The following GCH1 variants were observed in gnomAD, a reference collection of about 807,000 sequenced individuals.
GCH1 encodes GTP cyclohydrolase 1.
In GCH1, 5 loss-of-function variants were observed where a neutral mutation model predicts 25.9. The observed-to-expected ratio is 0.19, with a 90% confidence interval of 0.10 to 0.41. The LOEUF is 0.41. Ranked by LOEUF, GCH1 falls within the 10% of genes least tolerant of loss-of-function variation. The pLI, the probability that GCH1 is intolerant of heterozygous loss-of-function variation, is 1.00. For synonymous variants in GCH1, 159 were observed against 129.6 expected, an observed-to-expected ratio of 1.23 and a Z score of -1.54; for missense variants, 261 against 336.5, an observed-to-expected ratio of 0.78 and a Z score of 1.75.
At chr14:54,884,198 G>T (rs984655799) in intron 1 of GCH1, among the ~76,000 whole-genome samples, 1 of 152,160 alleles carries the variant, frequency 6.6e-6, no homozygotes, top group Non-Finnish European at 1.5e-5. Context: ...AGGTTAAATT[G>T]TAAAACTGAT....
intron 3 of GCH1, among the ~76,000 whole-genome samples, chr14:54,856,163 T>G (rs2039808652): frequency 6.6e-6 from 1 of 152,192 alleles, no homozygotes; most frequent in South Asian, 2.1e-4. Flanking sequence ...GCATTAACTA[T>G]ACCTAGAGAA....
At chr14:54,848,455 T>A (rs967532282) in intron 3 of GCH1, among the ~76,000 whole-genome samples, 2 of 152,160 alleles carry the variant, frequency 1.3e-5, no homozygotes, top group Non-Finnish European at 2.9e-5. Context: ...CCTTTCAACA[T>A]CTTTCATTCT....
intron 1 of GCH1, among the ~76,000 whole-genome samples, chr14:54,871,392 C>T (rs1033227736): frequency 1.2e-4 from 18 of 152,208 alleles, no homozygotes; most frequent in Admixed American, 1.2e-3. Context: ...ACCACAAAGA[C>T]AGGGAAAAAA....
At chr14:54,885,051 TG>T in intron 1 of GCH1, 2 of 311,582 alleles carry the variant, frequency 6.4e-6, no homozygotes, top group Non-Finnish European at 1.3e-5. Flanking sequence ...TGTGGCCCAT[TG>T]CAGACACTGA....
chr14:54,898,626 T>A (rs1329967685), intron 1 of GCH1, among the ~76,000 whole-genome samples: 2 of 152,328 alleles, frequency 1.3e-5, no homozygotes, highest in Admixed American at 6.5e-5. Context: ...TTTTATTTAT[T>A]TATTTACTGT....
chr14:54,889,253 G>T (rs1296537727), intron 1 of GCH1, among the ~76,000 whole-genome samples: 1 of 152,296 alleles, frequency 6.6e-6, no homozygotes, highest in African/African-American at 2.4e-5. Context: ...ACTAGTCAGC[G>T]ACCTCACTGA....
chr14:54,866,070 T>C (rs1001042920), intron 1 of GCH1, among the ~76,000 whole-genome samples: 6 of 152,026 alleles, frequency 3.9e-5, no homozygotes, highest in Non-Finnish European at 5.9e-5. Context: ...GTGTCTTGTT[T>C]AAGCTGTGGA....
At chr14:54,900,209 GTTTTT>G (rs200691582) in intron 1 of GCH1, among the ~76,000 whole-genome samples, 1 of 149,154 alleles carries the variant, frequency 6.7e-6, no homozygotes, top group Non-Finnish European at 1.5e-5. Context: ...CAGTTTTTTT[GTTTTT>G]TTTGTTTTTT....
intron 4 of GCH1, 39 bp downstream of exon 4, chr14:54,847,055 AAAAAG>A: frequency 1.3e-6 from 1 of 790,552 alleles, no homozygotes; most frequent in Non-Finnish European, 2.1e-6. Context: ...AAAAAAGAAA[AAAAAG>A]AAAAATGTTT....
chr14:54,847,167 C>A (rs1205592281), intron 3 of GCH1, 37 bp from the exon 4 acceptor site: 3 of 846,738 alleles, frequency 3.5e-6, no homozygotes, highest in African/African-American at 1.7e-5. Flanking sequence ...AATCACAAAT[C>A]ATTTGAAGTA....
At chr14:54,847,666 TTA>T (rs148059269) in intron 3 of GCH1, among the ~76,000 whole-genome samples, 5 of 148,476 alleles carry the variant, frequency 3.4e-5, no homozygotes, top group Admixed American at 1.3e-4. Context: ...AAACTCCCCT[TTA>T]TATATATATA....
Position 54,902,694 on chromosome 14 carries a change from G to A in GCH1, c.-31C>T, listed in dbSNP as rs2040589020. Reference sequence around the variant, plus strand: ...CGCCGCAGCCGCTGCCGTTCGGGAAGGACCCCGGGGCGCTTCGAGGTCTGC... The same window carrying A: ...CGCCGCAGCCGCTGCCGTTCGGGAAAGACCCCGGGGCGCTTCGAGGTCTGC... On this transcript the variant is annotated 5_prime_UTR_variant, in exon 1 of 6. Coordinates refer to ENST00000491895, the MANE Select transcript of GCH1 (RefSeq NM_000161.3). 5.6e-6 allele frequency: 8 copies of A among 1,425,238 alleles called. No individual in the cohort carries two copies. In the Middle Eastern group the frequency reaches 1.0e-3, roughly 178 times the overall value. 88.3% of individuals were successfully genotyped at this position (1,425,238 alleles called of 1,614,324 possible).
chr14:54,875,327 A>T (rs2040142333), intron 1 of GCH1, among the ~76,000 whole-genome samples: 1 of 152,226 alleles, frequency 6.6e-6, no homozygotes, highest in Non-Finnish European at 1.5e-5. Flanking sequence ...TTAATTCAAG[A>T]TGGATTAAAC....
chr14:54,875,547 T>C (rs2040145862), intron 1 of GCH1, among the ~76,000 whole-genome samples: 2 of 152,076 alleles, frequency 1.3e-5, no homozygotes, highest in African/African-American at 4.8e-5. Context: ...ACCTACAGAA[T>C]GGGAGAAAAT....
At chr14:54,877,638 C>T (rs1219070337) in intron 1 of GCH1, among the ~76,000 whole-genome samples, 2 of 152,122 alleles carry the variant, frequency 1.3e-5, no homozygotes, top group Admixed American at 6.5e-5. Context: ...GGATTACAGG[C>T]GCAAGCCACC....
Position 54,843,033 on chromosome 14 carries a change from TG to T in GCH1, c.*983del, listed in dbSNP as rs770712450. 2 of 891,824 alleles carry T rather than the reference TG, an allele frequency of 2.2e-6. No individual in the cohort carries two copies. The highest frequency in any genetic ancestry group is 2.6e-5 in the South Asian group (2 of 75,704). 55.2% of individuals were successfully genotyped at this position (891,824 alleles called of 1,614,324 possible). On this transcript the variant is annotated 3_prime_UTR_variant, in exon 6 of 6. Transcript: ENST00000491895. ...TTCATTCTGTGCTCGTTCAGGTGCGTGGAAGCTATGGTTCTGCAGACCTGAA... is the reference window on the plus strand; with the variant it reads ...TTCATTCTGTGCTCGTTCAGGTGCGTGAAGCTATGGTTCTGCAGACCTGAA...
intron 3 of GCH1, among the ~76,000 whole-genome samples, chr14:54,850,711 G>C (rs2039716450): frequency 6.6e-6 from 1 of 152,082 alleles, no homozygotes; most frequent in Non-Finnish European, 1.5e-5. Flanking sequence ...TGTCACCTAT[G>C]AGTGAGAACA....
chr14:54,844,160 C>T lies in GCH1; in HGVS notation c.627-17G>A, dbSNP rs1224315025. On this transcript the variant is annotated splice_polypyrimidine_tract_variant and intron_variant, in intron 5 of 5. Coordinates refer to ENST00000491895, the MANE Select transcript of GCH1 (RefSeq NM_000161.3). ...CACATGTGTCTACAAAATAAGGCAA[C>T]ACAGGTTGTTTAAAGGAGTAGACAG... The T allele has an allele frequency of 6.3e-7, 1 of 1,586,318 alleles. No homozygotes were observed. Among genetic ancestry groups the T allele is most frequent in the Non-Finnish European group, 8.7e-7 (1 of 1,154,870 alleles).
At chr14:54,892,711 A>G (rs1441765788) in intron 1 of GCH1, among the ~76,000 whole-genome samples, 1 of 151,946 alleles carries the variant, frequency 6.6e-6, no homozygotes, top group African/African-American at 2.4e-5. Flanking sequence ...TAAAAATAAA[A>G]TAGATGTTTT....
Sources: allele counts gnomAD v4.1 joint callset (sites outside exome capture counted in the v4.1 genomes callset), GRCh38; gene constraint gnomAD v4.1.1; transcripts MANE v1.5; gene names NCBI Gene and HGNC (gene_info 2026-07-23, HGNC 2026-07-21).